The following PTPRN2 variants were observed in gnomAD, a reference collection of about 807,000 sequenced individuals.
PTPRN2 encodes receptor-type tyrosine-protein phosphatase N2.
PTPRN2 carries 74 observed loss-of-function variants against 118.8 expected under a neutral mutation model. That is an observed-to-expected ratio of 0.62 (90% CI 0.52 to 0.76). The LOEUF is 0.76. PTPRN2 is among the 30% of genes least tolerant of loss of function. The pLI, the probability that PTPRN2 is intolerant of heterozygous loss-of-function variation, is 0.00. For synonymous variants in PTPRN2, 641 were observed against 608.0 expected (o/e 1.05, Z -0.80); for missense variants, 1,481 against 1,394.4 (o/e 1.06, Z -0.99).
At chr7:158,146,084 G>T (rs1165146709) in intron 6 of PTPRN2, among the ~76,000 whole-genome samples, 1 of 151,988 alleles carries the variant, frequency 6.6e-6, no homozygotes. Context: ...CATCCATTCT[G>T]AAAACAAATA....
At chr7:158,151,514 T>TGCCTCTCCCTGCCCC (rs1563522262) in intron 6 of PTPRN2, among the ~76,000 whole-genome samples, 3 of 146,076 alleles carry the variant, frequency 2.1e-5, no homozygotes, top group Non-Finnish European at 3.0e-5. Context: ...TTTCTGCTCC[T>TGCCTCTCCCTGCCCC]CACCGCACGT....
At chr7:158,433,798 C>A (rs1014646436) in intron 2 of PTPRN2, among the ~76,000 whole-genome samples, 13 of 151,752 alleles carry the variant, frequency 8.6e-5, no homozygotes, top group Non-Finnish European at 1.6e-4. Flanking sequence ...TTCTTCTTTT[C>A]TAATAAAAGC....
intron 2 of PTPRN2, among the ~76,000 whole-genome samples, chr7:158,379,880 T>A (rs1232709963): frequency 1.4e-4 from 22 of 152,118 alleles, no homozygotes; most frequent in Non-Finnish European, 1.5e-5. Context: ...ACAATCATGG[T>A]GGAAGGCAAA....
intron 12 of PTPRN2, among the ~76,000 whole-genome samples, chr7:157,867,596 G>C (rs535720470): frequency 6.7e-6 from 1 of 149,024 alleles, no homozygotes; most frequent in African/African-American, 2.5e-5. Flanking sequence ...CCACCACCCT[G>C]TCCCTGACGC....
At chr7:157,969,189 A>G (rs1223877075) in intron 11 of PTPRN2, among the ~76,000 whole-genome samples, 1 of 151,620 alleles carries the variant, frequency 6.6e-6, no homozygotes, top group Non-Finnish European at 1.5e-5. Context: ...AGCTCACTGC[A>G]GCCACCACTT....
At chr7:158,407,620 GGTCCTGGGTCCTGC>G (rs1415202919) in intron 2 of PTPRN2, among the ~76,000 whole-genome samples, 1 of 54,702 alleles carries the variant, frequency 1.8e-5, no homozygotes, top group African/African-American at 6.7e-5. Context: ...CTGGGTCCTG[GGTCCTGGGTCCTGC>G]GTCCTGGGTC....
At chr7:157,806,146 C>A (rs1429275753) in intron 12 of PTPRN2, among the ~76,000 whole-genome samples, 2 of 152,090 alleles carry the variant, frequency 1.3e-5, no homozygotes, top group Non-Finnish European at 2.9e-5. Context: ...GTGATTGGAA[C>A]CAGAAGTGTC....
chr7:157,557,038 C>T (rs941667375), intron 21 of PTPRN2, among the ~76,000 whole-genome samples: 2 of 150,572 alleles, frequency 1.3e-5, no homozygotes, highest in Non-Finnish European at 3.0e-5. Flanking sequence ...TGCACACATC[C>T]ACACAAGATG....
At position 157,611,607 on chromosome 7, in the gene PTPRN2, C is replaced by T. The variant is rs933869680; in HGVS notation, c.2345-7532G>A. 2.0e-5 allele frequency among the ~76,000 whole-genome samples: 3 copies of T among 152,152 alleles called. No individual in the cohort carries two copies. The highest frequency in any genetic ancestry group is 1.9e-4 in the East Asian group (1 of 5,184). ...TAGGGTCTTTACAGAGGTAAGCGAG[C>T]GGAGGGCATTTGGGCGGCCCTAATG... On this transcript the variant is annotated intron_variant, in intron 15 of 22. Coordinates refer to ENST00000389418, the MANE Select transcript of PTPRN2 (RefSeq NM_002847.5). This position sits in a 1 kb window ranked among gnomAD's most constrained non-coding sequence, Gnocchi z 5.9.
chr7:157,765,249 C>T lies in PTPRN2; in HGVS notation c.1789-82312G>A, dbSNP rs150887423. On this transcript the variant is annotated intron_variant, in intron 12 of 22. Coordinates refer to ENST00000389418, the MANE Select transcript of PTPRN2 (RefSeq NM_002847.5). The stretch of plus-strand genomic sequence containing the variant: ...CATCCTTCTTTCATCCACCCACCCA[C>T]CTGTCATTCATCATCCATTCTTCCT... Among the ~76,000 whole-genome samples the T allele has an allele frequency of 6.9e-4, 104 of 151,418 alleles. 1 individual carries two copies. Among genetic ancestry groups the T allele is most frequent in the Middle Eastern group, 3.4e-3 (1 of 290 alleles).
At chr7:158,548,963 G>A (rs1022636339) in intron 1 of PTPRN2, among the ~76,000 whole-genome samples, 3 of 152,202 alleles carry the variant, frequency 2.0e-5, no homozygotes, top group African/African-American at 7.2e-5. Context: ...GACCACCCCA[G>A]CCCAGGCACG....
chr7:157,658,792 G>C (rs1380392544), intron 13 of PTPRN2, among the ~76,000 whole-genome samples: 3 of 152,196 alleles, frequency 2.0e-5, no homozygotes, highest in Non-Finnish European at 4.4e-5. Context: ...AAGAGAACTG[G>C]AGCTCAACAG....
At chr7:158,341,608 C>T (rs1806818753) in intron 2 of PTPRN2, among the ~76,000 whole-genome samples, 1 of 100,802 alleles carries the variant, frequency 9.9e-6, no homozygotes, top group Non-Finnish European at 2.0e-5. Context: ...ACATCACTCA[C>T]ACCCACACTC....
intron 5 of PTPRN2, among the ~76,000 whole-genome samples, chr7:158,173,587 G>C (rs1823912293): frequency 6.6e-6 from 1 of 152,136 alleles, no homozygotes; most frequent in Non-Finnish European, 1.5e-5. Context: ...CAGGAAACAG[G>C]GTTCGAGAGC....
At chr7:158,279,674 A>G (rs545410338) in intron 3 of PTPRN2, among the ~76,000 whole-genome samples, 1 of 152,076 alleles carries the variant, frequency 6.6e-6, no homozygotes, top group South Asian at 2.1e-4. Flanking sequence ...GCGCCGGCCC[A>G]CAAGCCCCGT....
At position 158,548,512 on chromosome 7, in the gene PTPRN2, C is replaced by T. The variant is rs537228145; in HGVS notation, c.112+39046G>A. 2.6e-5 allele frequency among the ~76,000 whole-genome samples: 4 copies of T among 152,336 alleles called. No individual in the cohort carries two copies. In the South Asian group the frequency reaches 8.3e-4, roughly 32 times the overall value. On this transcript the variant is annotated intron_variant, in intron 1 of 22. Coordinates refer to ENST00000389418, the MANE Select transcript of PTPRN2 (RefSeq NM_002847.5). ...CGAGCTCCGCCCGCTCTTGGTGACCCCTCAGCGATGACCAGGGGGCTCTTC... is the reference window on the plus strand; with the variant it reads ...CGAGCTCCGCCCGCTCTTGGTGACCTCTCAGCGATGACCAGGGGGCTCTTC...
intron 11 of PTPRN2, among the ~76,000 whole-genome samples, chr7:157,961,506 C>T (rs1801532498): frequency 6.6e-6 from 1 of 151,154 alleles, no homozygotes; most frequent in East Asian, 2.0e-4. Context: ...GCACTCCAGC[C>T]TGGATGACAG....
At chr7:158,410,333 C>A (rs539327552) in intron 2 of PTPRN2, among the ~76,000 whole-genome samples, 2 of 152,322 alleles carry the variant, frequency 1.3e-5, no homozygotes, top group African/African-American at 4.8e-5. Flanking sequence ...GGAAAGGACA[C>A]AGAATGAGGT....
rs147580918 is a variant in PTPRN2 at position 157,595,510 on chromosome 7, C to A, written c.2419-195G>T. Among the ~76,000 whole-genome samples the A allele has an allele frequency of 5.9e-4, 63 of 107,606 alleles. 1 individual carries two copies. The highest frequency in any genetic ancestry group is 2.1e-3 in the African/African-American group (47 of 22,244). 70.6% of individuals were successfully genotyped at this position (107,606 alleles called of 152,430 possible). The stretch of plus-strand genomic sequence containing the variant: ...TAGGAAGCCTGGTGTTTAGGAAGCC[C>A]GGAGGTTAGGAAGCCAGAAGGTTAG... On this transcript the variant is annotated intron_variant, in intron 16 of 22. Coordinates refer to ENST00000389418, the MANE Select transcript of PTPRN2 (RefSeq NM_002847.5).
Sources: allele counts gnomAD v4.1 joint callset (sites outside exome capture counted in the v4.1 genomes callset), GRCh38; gene constraint gnomAD v4.1.1; non-coding constraint Gnocchi (gnomAD v3.1); transcripts MANE v1.5; gene names NCBI Gene and HGNC (gene_info 2026-07-23, HGNC 2026-07-21).